Variants in SLX4 observed in about 807,000 individuals in gnomAD.
SLX4 encodes the protein SLX4 structure-specific endonuclease subunit.
SLX4 carries 112 observed loss-of-function variants against 146.2 expected under a neutral mutation model. The observed-to-expected ratio is 0.77, with a 90% confidence interval of 0.66 to 0.90. SLX4 has a LOEUF of 0.90. Ranked by LOEUF, SLX4 falls within the 40% of genes least tolerant of loss-of-function variation. The probability of loss-of-function intolerance (pLI) is 0.00; values close to 1 mark genes in which losing one functional copy is unlikely to be tolerated. For missense variants in SLX4, 2,563 were observed against 2,392.7 expected (o/e 1.07, Z -1.49); for synonymous variants, 1,061 against 997.7 (o/e 1.06, Z -1.20).
intron 5 of SLX4, 103 bp from the exon 6 acceptor site, chr16:3,598,102 CG>C: frequency 5.2e-6 from 7 of 1,350,840 alleles, no homozygotes; most frequent in Non-Finnish European, 7.4e-6. Context: ...AGAAAAGTGA[CG>C]GATGTGGACC....
rs555792151 is a variant in SLX4 at position 3,586,881 on chromosome 16, T to C, written c.4637-2010A>G. Among the ~76,000 whole-genome samples the C allele has an allele frequency of 1.1e-4, 17 of 151,510 alleles. 1 individual carries two copies. The South Asian group carries it at 3.3e-3, about 30-fold the overall frequency. ...ATCCATGCTACAACATGTATGAATC[T>C]TGAAAACTGTATGCTAACTGAAAGA... On this transcript the variant is annotated intron_variant, in intron 12 of 14. Transcript: ENST00000294008.
intron 13 of SLX4, among the ~76,000 whole-genome samples, chr16:3,584,453 T>C (rs953412424): frequency 6.6e-6 from 1 of 152,136 alleles, no homozygotes; most frequent in Non-Finnish European, 1.5e-5. Context: ...TCACTCAGAC[T>C]GCTCTGGCTA....
chr16:3,583,215 T>C lies in SLX4; in HGVS notation c.5035A>G (p.Ser1679Gly), dbSNP rs756047873. Reference sequence around the variant, plus strand: ...GGTGCCTCCTTGGTGGGCGACCTGCTTGGGGGTGTGATGCTTTCATGATGC... The same window carrying C: ...GGTGCCTCCTTGGTGGGCGACCTGCCTGGGGGTGTGATGCTTTCATGATGC... ...RKHHESITPP[S>G]RSPTKEAPPG... is the part of the protein sequence containing the mutation. Residue 1679 changes from serine (S) to glycine (G), a missense_variant, in exon 14 of 15, where the codon AGC (serine) becomes GGC (glycine). Coordinates refer to ENST00000294008, the MANE Select transcript of SLX4 (RefSeq NM_032444.4). The C allele has an allele frequency of 6.2e-7, 1 of 1,614,176 alleles. No homozygotes were observed. The highest frequency in any genetic ancestry group is 2.2e-5 in the East Asian group (1 of 44,872).
rs1463002609 is a variant in SLX4 at position 3,596,192 on chromosome 16, G to A, written c.1885C>T (p.Pro629Ser). Residue 629 changes from proline to serine, a missense_variant, in exon 8 of 15, where the codon CCC becomes TCC. Transcript: ENST00000294008. The stretch of plus-strand genomic sequence containing the variant: ...GAGCCAGCCAGGCCCCCACTGCCGG[G>A]CCACGGGCTGGCGCTCAGTCCCTCC... Reference protein sequence around the residue: ...AREGLSASPWPGSGGLAGSEG... With the variant: ...AREGLSASPWSGSGGLAGSEG... 6.4e-7 allele frequency: 1 copy of A among 1,551,042 alleles called. No individual in the cohort carries two copies. Among genetic ancestry groups the A allele is most frequent in the Non-Finnish European group, 8.7e-7 (1 of 1,149,740 alleles).
At chr16:3,594,738 C>T in intron 9 of SLX4, 139 bp from the exon 10 acceptor site, 2 of 1,151,012 alleles carry the variant, frequency 1.7e-6, no homozygotes, top group South Asian at 1.3e-5. Flanking sequence ...CTCCAAAACG[C>T]TTCCCACGAT....
rs2040452544 is a variant in SLX4, at chr16:3,582,617, G to A, written c.5230C>T (p.Gln1744Ter). The change falls in exon 15 of 15, where the codon CAG (glutamine) becomes TAG (stop). Residue 1744 changes from glutamine (Q) to a stop codon, truncating the protein, a stop_gained. Transcript: ENST00000294008. LOFTEE classifies it low-confidence loss of function (END_TRUNC). ...GTGTCCGCCGCCTGCACGGCTGCCT[G>A]CGAGGCACTGACCTCCCCCTCGCCC... ...EEGEGEVSAS[Q>*]AAVQAADTDE... 6.2e-7 allele frequency: 1 copy of A among 1,613,412 alleles called. No homozygotes were observed. The highest frequency in any genetic ancestry group is 1.1e-5 in the South Asian group (1 of 91,094).
In SLX4 at chr16:3,589,676, GGT is replaced by G; in HGVS notation, c.3960_3961del (p.Pro1321ValfsTer13). Reference sequence around the variant, plus strand: ...AGAGACGGGAGTGAGGCATGAGGACGGTGTCTGGGGCGGTGGTGTCTGGGGCC... The same window carrying G: ...AGAGACGGGAGTGAGGCATGAGGACGGTCTGGGGCGGTGGTGTCTGGGGCC... On this transcript the variant is annotated frameshift_variant, in exon 12 of 15. Coordinates refer to ENST00000294008, the MANE Select transcript of SLX4 (RefSeq NM_032444.4). LOFTEE classifies it high-confidence loss of function. This position sits in a 1 kb window ranked among gnomAD's most constrained non-coding sequence, Gnocchi z 6.2. 6.2e-7 allele frequency: 1 copy of G among 1,613,902 alleles called. No homozygotes were observed. The highest frequency in any genetic ancestry group is 8.5e-7 in the Non-Finnish European group (1 of 1,179,950).
intron 1 of SLX4, among the ~76,000 whole-genome samples, chr16:3,610,521 C>G (rs1654596986): frequency 6.6e-6 from 1 of 152,186 alleles, no homozygotes; most frequent in African/African-American, 2.4e-5. Flanking sequence ...GGTGGAATCT[C>G]TTGTCATCCT....
At chr16:3,609,940 T>G (rs1365270487) in intron 1 of SLX4, among the ~76,000 whole-genome samples, 1 of 152,252 alleles carries the variant, frequency 6.6e-6, no homozygotes, top group Non-Finnish European at 1.5e-5. Context: ...AAAGAGGCTC[T>G]TTCTGTAAAT....
chr16:3,582,826 A>G, intron 14 of SLX4, 133 bp from the exon 15 acceptor site: 1 of 923,484 alleles, frequency 1.1e-6, no homozygotes, highest in Non-Finnish European at 1.7e-6. Flanking sequence ...CCAGCAAGGC[A>G]GGACGGGCCT....
At chr16:3,586,505 A>G (rs2040510055) in intron 12 of SLX4, among the ~76,000 whole-genome samples, 1 of 152,136 alleles carries the variant, frequency 6.6e-6, no homozygotes, top group Admixed American at 6.5e-5. Flanking sequence ...TGGGTGACAG[A>G]GCAAGACCCC....
chr16:3,602,097 G>A (rs1169837763), intron 4 of SLX4, 21 bp downstream of exon 4: 8 of 1,613,756 alleles, frequency 5.0e-6, no homozygotes, highest in East Asian at 4.5e-5. Context: ...CGGGAGAGGC[G>A]ACGGCCCAAG....
chr16:3,598,262 C>G (rs1008825131), intron 5 of SLX4, among the ~76,000 whole-genome samples: 2 of 152,372 alleles, frequency 1.3e-5, no homozygotes, highest in East Asian at 1.9e-4. Flanking sequence ...ACGGAGCCAT[C>G]TGTGGTACCT....
Position 3,606,531 on chromosome 16 carries a change from C to G in SLX4, c.703G>C (p.Ala235Pro), listed in dbSNP as rs754917250. ...TTTGGGACATTTTCTTCCCGCGCAG[C>G]CTCGAGGGAGCACTCTTCTGAAGCG... ...RHASEECSLEAAREENVPKDP... is the reference protein window; with the variant it reads ...RHASEECSLEPAREENVPKDP... The change falls in exon 3 of 15, where the codon GCT becomes CCT. Residue 235 changes from alanine to proline, a missense_variant. By Grantham distance (27) the Ala-to-Pro change is conservative. Transcript: ENST00000294008. The G allele has an allele frequency of 3.1e-6, 5 of 1,614,096 alleles. No homozygotes were observed. Among genetic ancestry groups the G allele is most frequent in the African/African-American group, 2.7e-5 (2 of 74,916 alleles).
intron 10 of SLX4, among the ~76,000 whole-genome samples, chr16:3,593,280 C>A (rs1340240347): frequency 6.6e-6 from 1 of 152,170 alleles, no homozygotes; most frequent in Non-Finnish European, 1.5e-5. Context: ...ACTATGTTGG[C>A]CAGGCTGGTC....
chr16:3,592,468 C>G (rs1357364625), intron 11 of SLX4, among the ~76,000 whole-genome samples: 1 of 152,240 alleles, frequency 6.6e-6, no homozygotes, highest in Non-Finnish European at 1.5e-5. Flanking sequence ...CAATAGAGTC[C>G]TCCTGATCCA....
chr16:3,582,726 C>A (rs2040455005), intron 14 of SLX4, 33 bp from the exon 15 acceptor site: 1 of 1,570,030 alleles, frequency 6.4e-7, no homozygotes, highest in Non-Finnish European at 8.7e-7. Flanking sequence ...GTTGTGCAAC[C>A]CCTTTCTCTC....
chr16:3,585,734 G>T (rs149583451), intron 12 of SLX4, among the ~76,000 whole-genome samples: 2 of 146,548 alleles, frequency 1.4e-5, no homozygotes, highest in Non-Finnish European at 3.0e-5. Context: ...ACCACTGCAC[G>T]CCCACTAGGA....
At chr16:3,593,233 G>T (rs961339269) in intron 10 of SLX4, among the ~76,000 whole-genome samples, 1 of 152,032 alleles carries the variant, frequency 6.6e-6, no homozygotes, top group Non-Finnish European at 1.5e-5. Context: ...CACCATGCCC[G>T]GCTAATTTTT....
Sources: allele counts gnomAD v4.1 joint callset (sites outside exome capture counted in the v4.1 genomes callset), GRCh38; gene constraint gnomAD v4.1.1; non-coding constraint Gnocchi (gnomAD v3.1); transcripts MANE v1.5; gene names NCBI Gene and HGNC (gene_info 2026-07-23, HGNC 2026-07-21).